Variants in DSP observed in about 807,000 individuals in gnomAD.
The protein encoded by DSP is 250/210 kDa paraneoplastic pemphigus antigen.
Under a neutral mutation model 290.6 loss-of-function variants are expected in DSP, and 114 were observed. The ratio of observed to expected loss-of-function variants is 0.39; its 90% confidence interval spans 0.34 to 0.46. DSP has a LOEUF of 0.46. DSP is among the 20% of genes least tolerant of loss of function. DSP has a pLI of 0.99. For synonymous variants in DSP, 1,311 were observed against 1,316.4 expected (o/e 1.00, Z 0.09); for missense variants, 3,230 against 3,495.8 (o/e 0.92, Z 1.92).
chr6:7,571,385 G>A lies in DSP; in HGVS notation c.1704G>A (p.Leu568=). 6.2e-7 allele frequency: 1 copy of A among 1,614,174 alleles called. No homozygotes were observed. Among genetic ancestry groups the A allele is most frequent in the Admixed American group, 1.7e-5 (1 of 60,032 alleles). ...EKIRAMTIAK[L]KTMRQEDYMK... ...CACTTCTGCCTGTCTCCTTTCAGCTGAAAACAATGCGGCAGGAAGATTACA... is the reference window on the plus strand; with the variant it reads ...CACTTCTGCCTGTCTCCTTTCAGCTAAAAACAATGCGGCAGGAAGATTACA... The change falls in exon 14 of 24, where the codon CTG becomes CTA. Residue 568 remains leucine, a splice_region_variant and synonymous_variant. Transcript: ENST00000379802.
intron 1 of DSP, among the ~76,000 whole-genome samples, chr6:7,544,910 A>C (rs1185263483): frequency 6.6e-6 from 1 of 152,234 alleles, no homozygotes; most frequent in African/African-American, 2.4e-5. Flanking sequence ...ATAGACATGT[A>C]CATGTTTTGA....
At chr6:7,562,320 T>C (rs1273216775) in intron 4 of DSP, among the ~76,000 whole-genome samples, 1 of 151,932 alleles carries the variant, frequency 6.6e-6, no homozygotes, top group Non-Finnish European at 1.5e-5. Context: ...TACATATATA[T>C]GCACACATAT....
rs766288730 is a variant in DSP at position 7,541,942 on chromosome 6, G to C, written c.27G>C (p.Pro9=). The C allele has an allele frequency of 1.2e-6, 2 of 1,607,188 alleles. No individual in the cohort carries two copies. Among genetic ancestry groups the C allele is most frequent in the South Asian group, 2.2e-5 (2 of 90,382 alleles). MSCNGGSH[P]RINTLGRMIR... ...TGAGCTGCAACGGAGGCTCCCACCC[G>C]CGGATCAACACTCTGGGCCGCATGA... is the stretch of plus-strand genomic sequence containing the variant. Residue 9 remains proline (P), a synonymous_variant, in exon 1 of 24, where the codon CCG becomes CCC. Transcript: ENST00000379802.
rs1189420270 is a variant in DSP, at chr6:7,574,320, C to CT, written c.2297+71dup. Reference sequence around the variant, plus strand: ...GCTTCTTTTTCTGGGTCTTCATTTGCTTTAGATGCTTGCCTTACAGTTTCT... The same window carrying CT: ...GCTTCTTTTTCTGGGTCTTCATTTGCTTTTAGATGCTTGCCTTACAGTTTCT... On this transcript the variant is annotated intron_variant, in intron 16 of 23. Coordinates refer to ENST00000379802, the MANE Select transcript of DSP (RefSeq NM_004415.4). The CT allele has an allele frequency of 1.6e-5, 23 of 1,468,736 alleles. No individual in the cohort carries two copies. The African/African-American group carries it at 3.2e-4, about 20-fold the overall frequency. 91.0% of individuals were successfully genotyped at this position (1,468,736 alleles called of 1,614,324 possible). A position where few individuals can be genotyped will look rare whatever the true frequency, so the allele number is the denominator to read the frequency against.
chr6:7,544,808 G>A (rs898814197), intron 1 of DSP, among the ~76,000 whole-genome samples: 1 of 152,006 alleles, frequency 6.6e-6, no homozygotes, highest in African/African-American at 2.4e-5. Context: ...CCACCTGCCT[G>A]TTCTTTGTGT....
rs397516963 is a variant in DSP, at chr6:7,585,530, A to C, written c.8268A>C (p.Ile2756=). Residue 2756 remains isoleucine, a synonymous_variant, in exon 24 of 24, where the codon ATA becomes ATC. Coordinates refer to ENST00000379802, the MANE Select transcript of DSP (RefSeq NM_004415.4). ...STEEAIRKGF[I]DGRAAQRLQD... ...AAGAAGCCATCCGGAAGGGGTTCAT[A>C]GATGGCCGCGCCGCACAGAGGCTGC... The C allele has an allele frequency of 4.6e-4, 736 of 1,614,242 alleles. 10 individuals carry two copies. The South Asian group carries it at 7.0e-3, about 15-fold the overall frequency.
At chr6:7,570,285 C>T (rs1759002621) in intron 12 of DSP, 152 bp from the exon 13 acceptor site, 6 of 1,135,262 alleles carry the variant, frequency 5.3e-6, no homozygotes, top group Non-Finnish European at 6.5e-6. Context: ...GAATCCAAAT[C>T]CATGAACTGT....
rs1757982703 is a variant in DSP, at chr6:7,541,847, C to T, written c.-69C>T. 2.0e-6 allele frequency: 3 copies of T among 1,529,000 alleles called. No homozygotes were observed. Among genetic ancestry groups the T allele is most frequent in the African/African-American group, 1.4e-5 (1 of 72,588 alleles). 94.7% of individuals were successfully genotyped at this position (1,529,000 alleles called of 1,614,324 possible). A position where few individuals can be genotyped will look rare whatever the true frequency, so the allele number is the denominator to read the frequency against. ...CCGTCCGCCTATCCTTGGCCCCCTC[C>T]GCTTTCTCCGCGCCGGCCCGCCTCG... On this transcript the variant is annotated 5_prime_UTR_variant, in exon 1 of 24. Coordinates refer to ENST00000379802, the MANE Select transcript of DSP (RefSeq NM_004415.4).
At chr6:7,567,031 C>T (rs755820288) in intron 8 of DSP, among the ~76,000 whole-genome samples, 5 of 152,172 alleles carry the variant, frequency 3.3e-5, no homozygotes, top group African/African-American at 9.7e-5. Flanking sequence ...GAACAGGGCT[C>T]GGTGTGGCAA....
intron 15 of DSP, among the ~76,000 whole-genome samples, chr6:7,572,386 C>T (rs1759083374): frequency 6.6e-6 from 1 of 152,152 alleles, no homozygotes; most frequent in African/African-American, 2.4e-5. Context: ...TATTTGTAGA[C>T]ATGACACTGA....
chr6:7,583,199 G>T lies in DSP; in HGVS notation c.5937G>T (p.Gln1979His). The T allele has an allele frequency of 2.5e-6, 4 of 1,614,148 alleles. No individual in the cohort carries two copies. Among genetic ancestry groups the T allele is most frequent in the Non-Finnish European group, 3.4e-6 (4 of 1,180,028 alleles). The change falls in exon 24 of 24, where the codon CAG becomes CAT. Residue 1979 changes from glutamine (Q) to histidine (H), a missense_variant. Gln to His is a conservative substitution (Grantham distance 24). This residue lies in a region of DSP where 1,714 missense variants were observed against 1,844.5 expected (regional missense o/e 0.93). Transcript: ENST00000379802. The surrounding 1 kb of genome is among the most constrained non-coding windows in gnomAD (Gnocchi z 4.0). ...DGLRKKVTAMQLYECQLIDKT... is the reference protein window; with the variant it reads ...DGLRKKVTAMHLYECQLIDKT... The stretch of plus-strand genomic sequence containing the variant: ...TGAGGAAGAAGGTGACAGCAATGCA[G>T]CTCTATGAGTGTCAGCTGATCGACA...
In DSP at chr6:7,583,379, A is replaced by T. The variant is rs772046977; in HGVS notation, c.6117A>T (p.Leu2039Phe). 1 of 1,614,150 alleles carries T rather than the reference A, an allele frequency of 6.2e-7. No individual in the cohort carries two copies. Among genetic ancestry groups the T allele is most frequent in the South Asian group, 1.1e-5 (1 of 91,076 alleles). ...TGGTAGAGGCCAAGAGAAAGAAATT[A>T]ATCAGCCCAGAATCCACAGTCATGC... ...YSLVEAKRKK[L>F]ISPESTVMLL... Residue 2039 changes from leucine to phenylalanine, a missense_variant, in exon 24 of 24, where the codon TTA becomes TTT. Transcript: ENST00000379802. This position sits in a 1 kb window ranked among gnomAD's most constrained non-coding sequence, Gnocchi z 4.0.
rs750255089 is a variant in DSP at position 7,585,369 on chromosome 6, G to A, written c.8107G>A (p.Gly2703Arg). The change falls in exon 24 of 24, where the codon GGA (glycine) becomes AGA (arginine). Residue 2703 changes from glycine (G) to arginine (R), a missense_variant. By Grantham distance (125) the Gly-to-Arg change is moderately radical (BLOSUM62 -2). This residue lies in a region of DSP where 582 missense variants were observed against 555.4 expected (regional missense o/e 1.05). Coordinates refer to ENST00000379802, the MANE Select transcript of DSP (RefSeq NM_004415.4). ...KAFIGFEGVK[G>R]KKKMSAAEAV... is the part of the protein sequence containing the mutation. Reference sequence around the variant, plus strand: ...CTTCATAGGCTTCGAGGGTGTGAAGGGAAAGAAGAAGATGTCAGCAGCAGA... The same window carrying A: ...CTTCATAGGCTTCGAGGGTGTGAAGAGAAAGAAGAAGATGTCAGCAGCAGA... 1 of 1,614,074 alleles carries A rather than the reference G, an allele frequency of 6.2e-7. No individual in the cohort carries two copies. Among genetic ancestry groups the A allele is most frequent in the Non-Finnish European group, 8.5e-7 (1 of 1,179,960 alleles).
chr6:7,561,395 T>G (rs1176347688), intron 4 of DSP, among the ~76,000 whole-genome samples: 1 of 152,198 alleles, frequency 6.6e-6, no homozygotes, highest in Non-Finnish European at 1.5e-5. Context: ...GCTCCTTTCC[T>G]CTTATCGCTT....
rs1216670261 is a variant in DSP, at chr6:7,579,908, G to C, written c.3718G>C (p.Asp1240His). 6.2e-7 allele frequency: 1 copy of C among 1,614,102 alleles called. No homozygotes were observed. The highest frequency in any genetic ancestry group is 1.7e-5 in the Admixed American group (1 of 60,022). Residue 1240 changes from aspartate (D) to histidine (H), a missense_variant, in exon 23 of 24, where the codon GAT becomes CAT. Asp to His is a moderately conservative substitution (Grantham distance 81). Around this residue, in one of 5 missense-constraint regions of DSP, gnomAD observed 1,714 missense variants for 1,844.5 expected, o/e 0.93. Coordinates refer to ENST00000379802, the MANE Select transcript of DSP (RefSeq NM_004415.4). The surrounding 1 kb of genome is among the most constrained non-coding windows in gnomAD (Gnocchi z 4.1). ...TTCCAAAAATCTTAGAAACCAGCTT[G>C]ATAGACTTTCAAGGGAAAATCGAGA... is the stretch of plus-strand genomic sequence containing the variant. ...DDSKNLRNQL[D>H]RLSRENRDLK...
Position 7,581,357 on chromosome 6 carries a change from G to C in DSP, c.5167G>C (p.Glu1723Gln), listed in dbSNP as rs142803672. 1,013 of 1,614,192 alleles carry C rather than the reference G, an allele frequency of 6.3e-4. 3 individuals are homozygous for C. The highest frequency in any genetic ancestry group is 8.1e-4 in the Non-Finnish European group (961 of 1,180,030). The change falls in exon 23 of 24, where the codon GAA becomes CAA. Residue 1723 changes from glutamate (E) to glutamine (Q), a missense_variant. By Grantham distance (29) the Glu-to-Gln change is conservative (BLOSUM62 2). Coordinates refer to ENST00000379802, the MANE Select transcript of DSP (RefSeq NM_004415.4). ...LTKEHLMLEE[E>Q]LRNLRLEYDD... ...CAAGGAGCACTTGATGTTAGAAGAAGAACTGCGGAACCTGAGGCTGGAGTA... is the reference window on the plus strand; with the variant it reads ...CAAGGAGCACTTGATGTTAGAAGAACAACTGCGGAACCTGAGGCTGGAGTA...
chr6:7,556,238 A>T (rs1758503288), intron 2 of DSP, among the ~76,000 whole-genome samples: 1 of 152,152 alleles, frequency 6.6e-6, no homozygotes, highest in African/African-American at 2.4e-5. Flanking sequence ...ATATTGAGAT[A>T]ACAATTCTAT....
At position 7,558,215 on chromosome 6, in the gene DSP, A is replaced by T; in HGVS notation, c.373A>T (p.Ile125Phe). 1.2e-6 allele frequency: 2 copies of T among 1,614,246 alleles called. No individual in the cohort carries two copies. Among genetic ancestry groups the T allele is most frequent in the Non-Finnish European group, 1.7e-6 (2 of 1,180,044 alleles). ...CCAAATGGAAATCCTCGACAGCTTG[A>T]TCAGAGAGATGCGGCAGATGGGCCA... ...NDQMEILDSL[I>F]REMRQMGQPC... The change falls in exon 3 of 24, where the codon ATC (isoleucine) becomes TTC (phenylalanine). Residue 125 changes from isoleucine (I) to phenylalanine (F), a missense_variant. By Grantham distance (21) the Ile-to-Phe change is conservative. This residue lies in a region of DSP where 646 missense variants were observed against 684.3 expected (regional missense o/e 0.94). Coordinates refer to ENST00000379802, the MANE Select transcript of DSP (RefSeq NM_004415.4).
intron 12 of DSP, 128 bp from the exon 13 acceptor site, chr6:7,570,309 C>T (rs1190158266): frequency 7.3e-6 from 10 of 1,374,716 alleles, no homozygotes; most frequent in Admixed American, 3.4e-5. Context: ...CAAAGTTATA[C>T]CTCTACCTGT....
Sources: allele counts gnomAD v4.1 joint callset (sites outside exome capture counted in the v4.1 genomes callset), GRCh38; gene constraint gnomAD v4.1.1; regional missense constraint gnomAD v4.1.1; non-coding constraint Gnocchi (gnomAD v3.1); transcripts MANE v1.5; gene names NCBI Gene and HGNC (gene_info 2026-07-23, HGNC 2026-07-21).